The following LRRTM4 variants were observed in gnomAD, a reference collection of about 807,000 sequenced individuals.
LRRTM4 encodes leucine-rich repeat transmembrane neuronal protein 4.
A neutral mutation model predicts 47.6 loss-of-function variants in LRRTM4; 25 were observed. The observed-to-expected ratio is 0.53, with a 90% CI of 0.38 to 0.73. LRRTM4 has a LOEUF of 0.73. Among genes scored for constraint, LRRTM4 ranks in the 30% least tolerant of loss-of-function variants. The pLI, the probability that LRRTM4 is intolerant of heterozygous loss-of-function variation, is 0.00. For missense variants in LRRTM4, 638 were observed against 713.4 expected (o/e 0.89, Z 1.20); for synonymous variants, 311 against 269.5 (o/e 1.15, Z -1.51).
chr2:76,935,801 A>G (rs1674926303), intron 3 of LRRTM4, among the ~76,000 whole-genome samples: 1 of 152,068 alleles, frequency 6.6e-6, no homozygotes. Context: ...AGATAATTTG[A>G]CTTCCTCTTT....
chr2:76,837,600 G>T (rs536132951), intron 3 of LRRTM4, among the ~76,000 whole-genome samples: 1 of 152,062 alleles, frequency 6.6e-6, no homozygotes, highest in Non-Finnish European at 1.5e-5. Context: ...ATACCCAAAG[G>T]ATTATAAATC....
At chr2:77,229,483 G>A (rs1011606974) in intron 3 of LRRTM4, among the ~76,000 whole-genome samples, 2 of 152,032 alleles carry the variant, frequency 1.3e-5, no homozygotes, top group Non-Finnish European at 2.9e-5. Flanking sequence ...TACCTGTAAC[G>A]TTGCGTCTCA....
At chr2:77,481,584 A>G (rs1677705098) in intron 3 of LRRTM4, among the ~76,000 whole-genome samples, 1 of 152,076 alleles carries the variant, frequency 6.6e-6, no homozygotes, top group Non-Finnish European at 1.5e-5. Context: ...GAAAAAAAAA[A>G]GCATGTCAAG....
intron 3 of LRRTM4, among the ~76,000 whole-genome samples, chr2:77,380,758 C>T (rs1399639151): frequency 4.0e-5 from 6 of 151,142 alleles, no homozygotes; most frequent in Middle Eastern, 3.4e-3. Flanking sequence ...ATCACACCAC[C>T]GCACTCCAGC....
chr2:77,123,018 A>C (rs1671559222), intron 3 of LRRTM4, among the ~76,000 whole-genome samples: 1 of 151,922 alleles, frequency 6.6e-6, no homozygotes, highest in Admixed American at 6.6e-5. Context: ...CAATGTGTTA[A>C]GAACAAAGAA....
chr2:76,960,514 AAC>A (rs1270628760), intron 3 of LRRTM4, among the ~76,000 whole-genome samples: 1 of 151,574 alleles, frequency 6.6e-6, no homozygotes, highest in Non-Finnish European at 1.5e-5. Flanking sequence ...TATTTGAAAA[AAC>A]AGAAACTGTG....
intron 3 of LRRTM4, among the ~76,000 whole-genome samples, chr2:76,898,735 C>T (rs1673512155): frequency 6.6e-6 from 1 of 150,796 alleles, no homozygotes; most frequent in African/African-American, 2.4e-5. Flanking sequence ...ATCTAAAAAG[C>T]TCTAGGATGT....
At chr2:76,842,406 TCA>T (rs1181311156) in intron 3 of LRRTM4, among the ~76,000 whole-genome samples, 2 of 152,210 alleles carry the variant, frequency 1.3e-5, no homozygotes, top group African/African-American at 2.4e-5. Flanking sequence ...AATATGTATG[TCA>T]CACACACATA....
At chr2:77,484,266 G>T (rs554095004) in intron 3 of LRRTM4, among the ~76,000 whole-genome samples, 38 of 152,310 alleles carry the variant, frequency 2.5e-4, no homozygotes, top group Middle Eastern at 6.8e-3. Flanking sequence ...TAGATAACTT[G>T]TGTGGTTTTT....
chr2:77,172,428 C>G (rs1293430275), intron 3 of LRRTM4, among the ~76,000 whole-genome samples: 1 of 151,958 alleles, frequency 6.6e-6, no homozygotes, highest in African/African-American at 2.4e-5. Flanking sequence ...AACCCCGTCT[C>G]TAGTAAAAAT....
intron 3 of LRRTM4, among the ~76,000 whole-genome samples, chr2:76,929,511 C>T (rs768255378): frequency 5.3e-5 from 8 of 152,162 alleles, no homozygotes; most frequent in Non-Finnish European, 8.8e-5. Flanking sequence ...TAGACCTGCT[C>T]TGCTGTTGCT....
At chr2:77,032,565 TG>T (rs578120236) in intron 3 of LRRTM4, among the ~76,000 whole-genome samples, 45 of 152,244 alleles carry the variant, frequency 3.0e-4, no homozygotes, top group Admixed American at 1.6e-3. Context: ...ATTGAATAGA[TG>T]AAAAAAAGCT....
At position 77,259,803 on chromosome 2, in the gene LRRTM4, C is replaced by T. The variant is rs146256059; in HGVS notation, c.1551+258515G>A. Among the ~76,000 whole-genome samples the T allele has an allele frequency of 4.5e-4, 69 of 152,130 alleles. No homozygotes were observed. The East Asian group carries it at 0.013, about 28-fold the overall frequency. On this transcript the variant is annotated intron_variant, in intron 3 of 3. Coordinates refer to ENST00000409884, the MANE Select transcript of LRRTM4 (RefSeq NM_001134745.3). ...CAAGGCCAAGAGAAAATAATTTTTA[C>T]AGTGTTGATATAACCAGCTTAGTTT...
intron 3 of LRRTM4, among the ~76,000 whole-genome samples, chr2:76,902,093 T>C (rs1673656682): frequency 6.6e-6 from 1 of 152,150 alleles, no homozygotes; most frequent in African/African-American, 2.4e-5. Flanking sequence ...TAGAGAAAAG[T>C]TTTTAAAATG....
chr2:76,912,060 A>G (rs561889555), intron 3 of LRRTM4, among the ~76,000 whole-genome samples: 13 of 151,412 alleles, frequency 8.6e-5, no homozygotes, highest in Admixed American at 8.6e-4. Context: ...AGCTGCAACT[A>G]TAGGCGCCCG....
intron 3 of LRRTM4, among the ~76,000 whole-genome samples, chr2:77,220,615 A>G (rs1164498997): frequency 6.6e-6 from 1 of 152,222 alleles, no homozygotes; most frequent in African/African-American, 2.4e-5. Flanking sequence ...GTGATGGAAG[A>G]TGAAATGAAT....
intron 3 of LRRTM4, among the ~76,000 whole-genome samples, chr2:77,048,765 G>A (rs1486489450): frequency 6.6e-6 from 1 of 151,616 alleles, no homozygotes; most frequent in Non-Finnish European, 1.5e-5. Context: ...GTTTCTTTGT[G>A]TTGAGAACAT....
intron 3 of LRRTM4, among the ~76,000 whole-genome samples, chr2:77,194,884 C>G (rs6722240): frequency 0.12 from 17,403 of 150,938 alleles, 2,632 homozygotes; most frequent in African/African-American, 0.36. Flanking sequence ...ACTCACATCA[C>G]AGCACTAGAT....
chr2:77,332,552 C>T (rs1573266480), intron 3 of LRRTM4, among the ~76,000 whole-genome samples: 1 of 152,124 alleles, frequency 6.6e-6, no homozygotes, highest in African/African-American at 2.4e-5. Context: ...CATCTGGCTT[C>T]TGTCTTTAGA....
Sources: allele counts gnomAD v4.1 joint callset (sites outside exome capture counted in the v4.1 genomes callset), GRCh38; gene constraint gnomAD v4.1.1; transcripts MANE v1.5; gene names NCBI Gene and HGNC (gene_info 2026-07-23, HGNC 2026-07-21).